The following ELP3 variants were observed in gnomAD, a reference collection of about 807,000 sequenced individuals.
ELP3 encodes the protein elongator acetyltransferase complex subunit 3.
In ELP3, 56 loss-of-function variants were observed where a neutral mutation model predicts 74.9. That is an observed-to-expected ratio of 0.75 (90% CI 0.60 to 0.93). The LOEUF (loss-of-function observed/expected upper bound fraction) is 0.93. Among genes scored for constraint, ELP3 ranks in the 40% least tolerant of loss-of-function variants. The probability of loss-of-function intolerance (pLI) is 0.00; values close to 1 mark genes in which losing one functional copy is unlikely to be tolerated. For synonymous variants in ELP3, 222 were observed against 239.8 expected (o/e 0.93, Z 0.68); for missense variants, 573 against 686.5 (o/e 0.83, Z 1.85).
At chr8:28,168,346 G>C (rs2130572239) in intron 14 of ELP3, among the ~76,000 whole-genome samples, 1 of 152,310 alleles carries the variant, frequency 6.6e-6, no homozygotes, top group African/African-American at 2.4e-5. Flanking sequence ...GGCAAATGCT[G>C]TTGCTAATCC....
At chr8:28,170,439 C>G (rs1814475052) in intron 14 of ELP3, among the ~76,000 whole-genome samples, 1 of 152,198 alleles carries the variant, frequency 6.6e-6, no homozygotes, top group Non-Finnish European at 1.5e-5. Flanking sequence ...CTTGGCAGGT[C>G]CAACAATACT....
chr8:28,125,148 C>A lies in ELP3; in HGVS notation c.618-4354C>A, dbSNP rs114389555. Among the ~76,000 whole-genome samples the A allele has an allele frequency of 9.6e-3, 1,456 of 152,268 alleles. 18 individuals are homozygous for A. Among genetic ancestry groups the A allele is most frequent in the African/African-American group, 0.033 (1,391 of 41,536 alleles). On this transcript the variant is annotated intron_variant, in intron 7 of 14. Transcript: ENST00000256398. ...TGCTGCCAAGGAGTTACACCAATAA[C>A]TCAAGGTGTTATCAACAATTCAAAC... is the stretch of plus-strand genomic sequence containing the variant.
chr8:28,151,771 C>T (rs775454877), intron 10 of ELP3, among the ~76,000 whole-genome samples: 9 of 152,156 alleles, frequency 5.9e-5, no homozygotes, highest in Non-Finnish European at 1.0e-4. Context: ...CTAGTTTCTC[C>T]TGCAGGAAGG....
chr8:28,129,556 A>C lies in ELP3; in HGVS notation c.672A>C (p.Pro224=). Residue 224 remains proline (P), a synonymous_variant, in exon 8 of 15, where the codon CCA becomes CCC. Coordinates refer to ENST00000256398, the MANE Select transcript of ELP3 (RefSeq NM_018091.6). Reference sequence around the variant, plus strand: ...TTGGAATTACTATTGAAACCAGACCAGATTACTGCATGAAGCGACATTTAA... The same window carrying C: ...TTGGAATTACTATTGAAACCAGACCCGATTACTGCATGAAGCGACATTTAA... ...KCIGITIETR[P]DYCMKRHLSD... is the part of the protein sequence containing the mutation. 1 of 1,614,226 alleles carries C rather than the reference A, an allele frequency of 6.2e-7. No homozygotes were observed. The highest frequency in any genetic ancestry group is 1.1e-5 in the South Asian group (1 of 91,088).
At chr8:28,105,588 G>A (rs1009807480) in intron 3 of ELP3, among the ~76,000 whole-genome samples, 5 of 152,128 alleles carry the variant, frequency 3.3e-5, no homozygotes, top group African/African-American at 7.2e-5. Context: ...ACCAAGCGAG[G>A]ACATATATAT....
At chr8:28,162,246 T>G (rs1389102537) in intron 14 of ELP3, among the ~76,000 whole-genome samples, 168 bp downstream of exon 14, 1 of 152,196 alleles carries the variant, frequency 6.6e-6, no homozygotes, top group East Asian at 1.9e-4. Flanking sequence ...AAAAGCAGTT[T>G]AGTGGAATAG....
At chr8:28,132,206 C>T (rs1460885004) in intron 8 of ELP3, 72 bp from the exon 9 acceptor site, 3 of 1,520,282 alleles carry the variant, frequency 2.0e-6, no homozygotes, top group Non-Finnish European at 2.7e-6. Flanking sequence ...AACTTTGTCA[C>T]CCATTTATTT....
At chr8:28,090,581 T>C (rs184776985), upstream of ELP3, among the ~76,000 whole-genome samples, 4 of 151,840 alleles carry the variant, frequency 2.6e-5, no homozygotes, top group East Asian at 5.9e-4. Context: ...GCATTGCCAT[T>C]TACATGGGAT....
At chr8:28,121,635 T>C (rs957165869) in intron 7 of ELP3, among the ~76,000 whole-genome samples, 1 of 152,134 alleles carries the variant, frequency 6.6e-6, no homozygotes, top group African/African-American at 2.4e-5. Context: ...TTTCATTTTT[T>C]CAAATTTTTG....
chr8:28,124,831 C>T (rs1237174339), intron 7 of ELP3, among the ~76,000 whole-genome samples: 5 of 152,152 alleles, frequency 3.3e-5, no homozygotes, highest in African/African-American at 1.2e-4. Context: ...GTTGGTTTTT[C>T]ATAGGTAGTA....
At chr8:28,102,985 C>T (rs1392427856) in intron 3 of ELP3, among the ~76,000 whole-genome samples, 1 of 152,024 alleles carries the variant, frequency 6.6e-6, no homozygotes, top group Admixed American at 6.6e-5. Flanking sequence ...GCCTGGCCAA[C>T]ATGGTGAAAC....
At chr8:28,114,726 C>T (rs1173614036) in intron 7 of ELP3, among the ~76,000 whole-genome samples, 2 of 152,174 alleles carry the variant, frequency 1.3e-5, no homozygotes, top group Non-Finnish European at 2.9e-5. Context: ...TCCCAGTGAA[C>T]AAGAGAAAGA....
rs770082832 is a variant in ELP3, at chr8:28,132,330, G to A, written c.832G>A (p.Gly278Ser). The A allele has an allele frequency of 1.4e-5, 23 of 1,614,004 alleles. No homozygotes were observed. The highest frequency in any genetic ancestry group is 3.3e-5 in the Admixed American group (2 of 59,984). ...GTCATTTCACCTGGCCAAAGATTCC[G>A]GTTTTAAAGTGGTGGCCCATATGAT... The part of the protein sequence containing the change: ...CESFHLAKDS[G>S]FKVVAHMMPD... The change falls in exon 9 of 15, where the codon GGT becomes AGT. Residue 278 changes from glycine to serine, a missense_variant. By Grantham distance (56) the Gly-to-Ser change is moderately conservative. Transcript: ENST00000256398.
In ELP3 at chr8:28,160,198, A is replaced by G. The variant is rs554364605; in HGVS notation, c.1258-31A>G. 2.3e-4 allele frequency: 371 copies of G among 1,585,950 alleles called. 3 individuals are homozygous for G. The South Asian group carries it at 3.9e-3, about 17-fold the overall frequency. Reference sequence around the variant, plus strand: ...AATGAATTTGGTTCTTTAATTTTGAATAATATTTTTTGTGGCTTTTTACTA... The same window carrying G: ...AATGAATTTGGTTCTTTAATTTTGAGTAATATTTTTTGTGGCTTTTTACTA... On this transcript the variant is annotated intron_variant, in intron 12 of 14. Transcript: ENST00000256398.
At chr8:28,179,612 A>G (rs1224362975) in intron 14 of ELP3, among the ~76,000 whole-genome samples, 1 of 152,152 alleles carries the variant, frequency 6.6e-6, no homozygotes. Flanking sequence ...AATTATATGA[A>G]TCAGTGGGAG....
intron 11 of ELP3, among the ~76,000 whole-genome samples, chr8:28,157,702 G>C (rs1195658913): frequency 6.6e-6 from 1 of 152,040 alleles, no homozygotes; most frequent in Non-Finnish European, 1.5e-5. Context: ...TTGTTCTATG[G>C]GGGGGAAATA....
intron 14 of ELP3, among the ~76,000 whole-genome samples, chr8:28,188,498 T>A (rs1815330385): frequency 6.6e-6 from 1 of 152,132 alleles, no homozygotes; most frequent in Non-Finnish European, 1.5e-5. Context: ...GGGCTGGAAA[T>A]GGAGTTAGTA....
chr8:28,122,866 T>C (rs998443116), intron 7 of ELP3, among the ~76,000 whole-genome samples: 1 of 152,264 alleles, frequency 6.6e-6, no homozygotes, highest in Non-Finnish European at 1.5e-5. Context: ...GGCTCACGCC[T>C]GTAATCCCAG....
Position 28,180,136 on chromosome 8 carries a change from C to T in ELP3, c.1568-9513C>T, listed in dbSNP as rs10101417. ...TCTAGGTATGGATTTCCCGTTTGGG[C>T]TTCCTTGGGCTTCTTTAATCAGTGA... On this transcript the variant is annotated intron_variant, in intron 14 of 14. Transcript: ENST00000256398. Among the ~76,000 whole-genome samples the T allele has an allele frequency of 2.8e-3, 419 of 152,236 alleles. 1 individual carries two copies. The highest frequency in any genetic ancestry group is 9.6e-3 in the African/African-American group (397 of 41,530).
Sources: allele counts gnomAD v4.1 joint callset (sites outside exome capture counted in the v4.1 genomes callset), GRCh38; gene constraint gnomAD v4.1.1; transcripts MANE v1.5; gene names NCBI Gene and HGNC (gene_info 2026-07-23, HGNC 2026-07-21).